Variants in MKI67 observed in about 807,000 individuals in gnomAD.
MKI67 encodes proliferation marker protein Ki-67.
A neutral mutation model predicts 233.5 loss-of-function variants in MKI67; 152 were observed. That is an observed-to-expected ratio of 0.65 (90% CI 0.57 to 0.74). The LOEUF is 0.74. MKI67 is among the 30% of genes least tolerant of loss of function. The pLI is 0.00. For synonymous variants in MKI67, 1,465 were observed against 1,418.5 expected (o/e 1.03, Z -0.74); for missense variants, 3,940 against 3,885.2 (o/e 1.01, Z -0.37).
At position 128,096,709 on chromosome 10, in the gene MKI67, C is replaced by T. The variant is rs1852219257; in HGVS notation, c.*2481G>A. On this transcript the variant is annotated 3_prime_UTR_variant, in exon 15 of 15. Transcript: ENST00000368654. Reference sequence around the variant, plus strand: ...TTATTGGACATCTCCTGTGGCTGGTCACTGGGATAGAGTAACCAGGAAATG... The same window carrying T: ...TTATTGGACATCTCCTGTGGCTGGTTACTGGGATAGAGTAACCAGGAAATG... 6.6e-6 allele frequency: 1 copy of T among 152,228 alleles called. No individual in the cohort carries two copies. The highest frequency in any genetic ancestry group is 2.1e-4 in the South Asian group (1 of 4,836). 9.4% of individuals were successfully genotyped at this position (152,228 alleles called of 1,614,324 possible). A position where few individuals can be genotyped will look rare whatever the true frequency, so the allele number is the denominator to read the frequency against.
intron 12 of MKI67, 149 bp from the exon 13 acceptor site, chr10:128,109,572 CT>C: frequency 1.2e-6 from 1 of 854,318 alleles, no homozygotes; most frequent in Non-Finnish European, 1.8e-6. Context: ...ATAAATCTGT[CT>C]TATAAGAGCC....
In MKI67 at chr10:128,106,658, T is replaced by A; in HGVS notation, c.5182A>T (p.Thr1728Ser). 1 of 1,614,176 alleles carries A rather than the reference T, an allele frequency of 6.2e-7. No homozygotes were observed. Among genetic ancestry groups the A allele is most frequent in the Non-Finnish European group, 8.5e-7 (1 of 1,180,028 alleles). ...QTPSHTKESM[T>S]NEKTTKVSYR... ...GATACTTTGGTAGTTTTTTCGTTAG[T>A]CATTGATTCCTTAGTGTGACTTGGT... is the stretch of plus-strand genomic sequence containing the variant. Residue 1728 changes from threonine (T) to serine (S), a missense_variant, in exon 13 of 15, where the codon ACT becomes TCT. Transcript: ENST00000368654.
chr10:128,098,864 T>C lies in MKI67; in HGVS notation c.*326A>G, dbSNP rs1273973851. The C allele has an allele frequency of 9.8e-6, 2 of 203,668 alleles. No homozygotes were observed. Among genetic ancestry groups the C allele is most frequent in the Middle Eastern group, 1.8e-3 (1 of 564 alleles). 12.6% of individuals were successfully genotyped at this position (203,668 alleles called of 1,614,324 possible). A position where few individuals can be genotyped will look rare whatever the true frequency, so the allele number is the denominator to read the frequency against. On this transcript the variant is annotated 3_prime_UTR_variant, in exon 15 of 15. Transcript: ENST00000368654. ...CATAGGCAAACAAACGACGACACAG[T>C]GTGGCAAGTGTCACAGTTAAGGCTG...
rs1309694226 is a variant in MKI67 at position 128,110,648 on chromosome 10, G to A, written c.2261-115C>T. ...GGAAATAACAGTAGATTCCTCCCTT[G>A]AAATCCTGGTACATAGGCCTCATAA... is the stretch of plus-strand genomic sequence containing the variant. On this transcript the variant is annotated intron_variant, in intron 11 of 14. Coordinates refer to ENST00000368654, the MANE Select transcript of MKI67 (RefSeq NM_002417.5). 1.6e-5 allele frequency: 11 copies of A among 698,198 alleles called. No individual in the cohort carries two copies. In the East Asian group the frequency reaches 2.9e-4, roughly 18 times the overall value. 43.3% of individuals were successfully genotyped at this position (698,198 alleles called of 1,614,324 possible).
chr10:128,108,994 T>C lies in MKI67; in HGVS notation c.2846A>G (p.Lys949Arg). The change falls in exon 13 of 15, where the codon AAG (lysine) becomes AGG (arginine). Residue 949 changes from lysine to arginine, a missense_variant. By Grantham distance (26) the Lys-to-Arg change is conservative. Transcript: ENST00000368654. The part of the protein sequence containing the change: ...KENDEKMKAM[K>R]RSRTWGQKCA... ...TTTCTGCCCCCAAGTTCTTGATCTC[T>C]TCATTGCTTTCATCTTTTCATCGTT... 1 of 1,614,220 alleles carries C rather than the reference T, an allele frequency of 6.2e-7. No individual in the cohort carries two copies. The highest frequency in any genetic ancestry group is 1.1e-5 in the South Asian group (1 of 91,082).
intron 7 of MKI67, 44 bp from the exon 8 acceptor site, chr10:128,113,646 T>A: frequency 6.4e-7 from 1 of 1,552,214 alleles, no homozygotes; most frequent in South Asian, 1.1e-5. Flanking sequence ...TGAAAAAACA[T>A]ACCAAGACTA....
chr10:128,109,952 A>G (rs893971354), intron 12 of MKI67, among the ~76,000 whole-genome samples: 1 of 152,204 alleles, frequency 6.6e-6, no homozygotes, highest in African/African-American at 2.4e-5. Flanking sequence ...CCCATCTCAC[A>G]CTTACCCCGG....
Position 128,105,520 on chromosome 10 carries a change from G to T in MKI67, c.6320C>A (p.Pro2107Gln), listed in dbSNP as rs142477303. Reference sequence around the variant, plus strand: ...TGTTGGAGTGTCCATTGATTCTGGTGGTGGAGATTTGCAGGCTATTTTGGT... The same window carrying T: ...TGTTGGAGTGTCCATTGATTCTGGTTGTGGAGATTTGCAGGCTATTTTGGT... ...KTTKIACKSP[P>Q]PESMDTPTST... Residue 2107 changes from proline (P) to glutamine (Q), a missense_variant, in exon 13 of 15, where the codon CCA (proline) becomes CAA (glutamine). Physicochemically the swap from Pro to Gln is moderately conservative, Grantham distance 76 (BLOSUM62 -1). Transcript: ENST00000368654. 1 of 1,612,904 alleles carries T rather than the reference G, an allele frequency of 6.2e-7. No homozygotes were observed.
At position 128,108,840 on chromosome 10, in the gene MKI67, G is replaced by C. The variant is rs763052564; in HGVS notation, c.3000C>G (p.Gly1000=). Residue 1000 remains glycine (G), a synonymous_variant, in exon 13 of 15, where the codon GGC becomes GGG. Coordinates refer to ENST00000368654, the MANE Select transcript of MKI67 (RefSeq NM_002417.5). The part of the protein sequence containing the change: ...DHAKAPKSEK[G]KITKMPCQSL... ...ACTGGCAGGGCATTTTAGTGATTTT[G>C]CCTTTCTCACTCTTTGGTGCCTTGG... 6.8e-6 allele frequency: 11 copies of C among 1,614,128 alleles called. No individual in the cohort carries two copies. In the South Asian group the frequency reaches 1.1e-4, roughly 16 times the overall value.
At position 128,107,776 on chromosome 10, in the gene MKI67, G is replaced by T; in HGVS notation, c.4064C>A (p.Thr1355Asn). Residue 1355 changes from threonine to asparagine, a missense_variant, in exon 13 of 15, where the codon ACC (threonine) becomes AAC (asparagine). Transcript: ENST00000368654. ...CACTGCTTCTTCAGTATGACCAGGG[G>T]TCTGGAAGAGCTCTTTAAAGCCAGT... ...DLTGFKELFQ[T>N]PGHTEEAVAA... 1 of 1,613,906 alleles carries T rather than the reference G, an allele frequency of 6.2e-7. No homozygotes were observed.
rs377477275 is a variant in MKI67 at position 128,113,613 on chromosome 10, G to A, written c.1481-11C>T. On this transcript the variant is annotated splice_polypyrimidine_tract_variant and intron_variant, in intron 7 of 14. Transcript: ENST00000368654. The stretch of plus-strand genomic sequence containing the variant: ...TTCCCTCACTCTCATCTAAAGTAAC[G>A]GATACAAATGTGGAAAGAGCAATGA... The A allele has an allele frequency of 1.4e-5, 23 of 1,609,388 alleles. No homozygotes were observed. Among genetic ancestry groups the A allele is most frequent in the Middle Eastern group, 1.7e-4 (1 of 6,050 alleles).
chr10:128,120,115 TC>T (rs1852901563), intron 4 of MKI67, among the ~76,000 whole-genome samples: 1 of 152,224 alleles, frequency 6.6e-6, no homozygotes, highest in African/African-American at 2.4e-5. Flanking sequence ...TTGTTGGATG[TC>T]TTTAATCATC....
chr10:128,121,533 A>AG (rs771152359), intron 4 of MKI67, among the ~76,000 whole-genome samples: 14,382 of 47,696 alleles, frequency 0.3, 903 homozygotes, highest in East Asian at 0.51. Flanking sequence ...AATATTATAT[A>AG]TTATATTATA....
rs201750431 is a variant in MKI67, at chr10:128,106,450, G to C, written c.5390C>G (p.Thr1797Arg). ...TTTCTGCACTGGAGTTCCCAAAAAC[G>C]TGTTGATGTCTTTCTCTTCACCTAC... The part of the protein sequence containing the change: ...PAVGEEKDIN[T>R]FLGTPVQKLD... The change falls in exon 13 of 15, where the codon ACG becomes AGG. Residue 1797 changes from threonine (T) to arginine (R), a missense_variant. Transcript: ENST00000368654. 6.2e-7 allele frequency: 1 copy of C among 1,613,262 alleles called. No homozygotes were observed. The highest frequency in any genetic ancestry group is 2.2e-5 in the East Asian group (1 of 44,800).
At position 128,106,595 on chromosome 10, in the gene MKI67, T is replaced by C. The variant is rs1198900153; in HGVS notation, c.5245A>G (p.Thr1749Ala). 5.0e-6 allele frequency: 8 copies of C among 1,614,110 alleles called. No homozygotes were observed. The South Asian group carries it at 8.8e-5, about 18-fold the overall frequency. Residue 1749 changes from threonine (T) to alanine (A), a missense_variant, in exon 13 of 15, where the codon ACA becomes GCA. Thr to Ala is a moderately conservative substitution (Grantham distance 58). Transcript: ENST00000368654. ...ASQPDLVDTP[T>A]SSKPQPKRSL... ...CTCTTGGGCTGTGGCTTGGAGCTTG[T>C]TGGGGTGTCCACTAGGTCTGGCTGT...
At chr10:128,100,453 G>C (rs1852314141) in intron 14 of MKI67, among the ~76,000 whole-genome samples, 1 of 152,194 alleles carries the variant, frequency 6.6e-6, no homozygotes, top group East Asian at 1.9e-4. Context: ...TATCTGAAGA[G>C]GTTATTGCTA....
intron 7 of MKI67, 92 bp from the exon 8 acceptor site, chr10:128,113,694 T>C: frequency 8.3e-7 from 1 of 1,206,304 alleles, no homozygotes; most frequent in East Asian, 2.4e-5. Flanking sequence ...ACAAACCAAG[T>C]GAAAAGTCAT....
chr10:128,116,410 C>G (rs757749665), intron 6 of MKI67, 81 bp downstream of exon 6: 6 of 1,273,424 alleles, frequency 4.7e-6, no homozygotes, highest in African/African-American at 4.4e-5. Context: ...CACTTGCATT[C>G]TTGTTGCCCC....
rs1413139717 is a variant in MKI67, at chr10:128,105,206, T to G, written c.6634A>C (p.Thr2212Pro). 6.2e-7 allele frequency: 1 copy of G among 1,613,812 alleles called. No individual in the cohort carries two copies. The highest frequency in any genetic ancestry group is 8.5e-7 in the Non-Finnish European group (1 of 1,180,006). Residue 2212 changes from threonine to proline, a missense_variant, in exon 13 of 15, where the codon ACT becomes CCT. Coordinates refer to ENST00000368654, the MANE Select transcript of MKI67 (RefSeq NM_002417.5). ...QTPICTDKPTTHEKTTKIACR... is the reference protein window; with the variant it reads ...QTPICTDKPTPHEKTTKIACR... ...GCTATTTTGGTAGTTTTCTCATGAGTCGTGGGCTTGTCAGTGCATATTGGT... is the reference window on the plus strand; with the variant it reads ...GCTATTTTGGTAGTTTTCTCATGAGGCGTGGGCTTGTCAGTGCATATTGGT...
Sources: allele counts gnomAD v4.1 joint callset (sites outside exome capture counted in the v4.1 genomes callset), GRCh38; gene constraint gnomAD v4.1.1; transcripts MANE v1.5; gene names NCBI Gene and HGNC (gene_info 2026-07-23, HGNC 2026-07-21).